Variants in TENM3 observed in about 807,000 individuals in gnomAD.
TENM3 encodes the protein teneurin transmembrane protein 3.
A neutral mutation model predicts 255.1 loss-of-function variants in TENM3; 63 were observed. The observed-to-expected ratio is 0.25, with a 90% CI of 0.20 to 0.30. The LOEUF is 0.30. TENM3 is among the 10% of genes least tolerant of loss of function. The pLI, the probability that TENM3 is intolerant of heterozygous loss-of-function variation, is 1.00. For missense variants in TENM3, 2,929 were observed against 3,461.1 expected (o/e 0.85, Z 3.86); for synonymous variants, 1,306 against 1,322.3 (o/e 0.99, Z 0.27).
chr4:181,837,195 C>T, the TENM3 span, among the ~76,000 whole-genome samples: 3 of 151,916 alleles, frequency 2.0e-5, no homozygotes, highest in Non-Finnish European at 4.4e-5. Context: ...TTTTCCTCCC[C>T]AATTTTTAAA....
intron 1 of TENM3, among the ~76,000 whole-genome samples, chr4:182,250,666 T>A (rs1433900483): frequency 6.6e-6 from 1 of 152,208 alleles, no homozygotes; most frequent in Non-Finnish European, 1.5e-5. Flanking sequence ...TTCCAGCTAG[T>A]AGAGAAAAAC....
At chr4:182,080,851 C>T in the TENM3 span, among the ~76,000 whole-genome samples, 46 of 152,060 alleles carry the variant, frequency 3.0e-4, no homozygotes, top group African/African-American at 1.0e-3. Context: ...ATTGGCTGGG[C>T]GTAGCGACAT....
chr4:182,218,891 T>A (rs1755678678), intron 1 of TENM3, among the ~76,000 whole-genome samples: 1 of 152,234 alleles, frequency 6.6e-6, no homozygotes, highest in African/African-American at 2.4e-5. Flanking sequence ...TTGTAATTCT[T>A]TATGTCCATA....
chr4:182,427,327 C>T (rs1010773818), intron 3 of TENM3, among the ~76,000 whole-genome samples: 2 of 152,100 alleles, frequency 1.3e-5, no homozygotes, highest in African/African-American at 4.8e-5. Context: ...AGAGGGAAAA[C>T]TTTACACGAC....
intron 1 of TENM3, among the ~76,000 whole-genome samples, chr4:182,150,647 ATTAT>A (rs1750276302): frequency 1.3e-5 from 2 of 152,232 alleles, no homozygotes; most frequent in Non-Finnish European, 1.5e-5. Context: ...CACGACTCTG[ATTAT>A]TTAAAAAGAC....
At chr4:182,103,045 A>G in the TENM3 span, among the ~76,000 whole-genome samples, 1 of 152,250 alleles carries the variant, frequency 6.6e-6, no homozygotes, top group African/African-American at 2.4e-5. Context: ...TCCATTCAAA[A>G]TAAAAAATTT....
At chr4:182,358,047 T>G (rs1221254476) in intron 3 of TENM3, among the ~76,000 whole-genome samples, 1 of 150,686 alleles carries the variant, frequency 6.6e-6, no homozygotes, top group East Asian at 1.9e-4. Context: ...GCGTTATTTC[T>G]GAGGGCTCTG....
At chr4:182,383,470 T>C (rs1394474952) in intron 3 of TENM3, among the ~76,000 whole-genome samples, 1 of 149,164 alleles carries the variant, frequency 6.7e-6, no homozygotes, top group Non-Finnish European at 1.5e-5. Flanking sequence ...AACATATTTT[T>C]ATTTATTTTT....
the TENM3 span, among the ~76,000 whole-genome samples, chr4:182,080,097 A>C: frequency 5.9e-4 from 90 of 152,350 alleles, no homozygotes; most frequent in Non-Finnish European, 1.1e-3. Flanking sequence ...GAGCTTGAAT[A>C]GTGAGCTCTT....
the TENM3 span, among the ~76,000 whole-genome samples, chr4:181,980,861 T>A: frequency 2.0e-5 from 3 of 152,150 alleles, no homozygotes; most frequent in Admixed American, 2.0e-4. Flanking sequence ...TCTTTTTTTT[T>A]ATGTTTAAAA....
the TENM3 span, among the ~76,000 whole-genome samples, chr4:181,968,776 T>C: frequency 1.3e-5 from 2 of 152,208 alleles, no homozygotes; most frequent in Non-Finnish European, 2.9e-5. Context: ...TTAACAATAG[T>C]GTATTGTATG....
chr4:182,440,136 G>A (rs1273912941), intron 3 of TENM3, among the ~76,000 whole-genome samples: 180 of 102,280 alleles, frequency 1.8e-3, no homozygotes, highest in African/African-American at 6.2e-3. Flanking sequence ...TTTTTTTGAC[G>A]GAGTCTCGCT....
chr4:181,891,375 C>A, the TENM3 span, among the ~76,000 whole-genome samples: 1 of 152,174 alleles, frequency 6.6e-6, no homozygotes, highest in African/African-American at 2.4e-5. Context: ...TATTTACAAC[C>A]CCTGTATACA....
rs1336242299 is a variant in TENM3 at position 182,789,267 on chromosome 4, G to A, written c.5479G>A (p.Gly1827Ser). 1 of 1,613,784 alleles carries A rather than the reference G, an allele frequency of 6.2e-7. No homozygotes were observed. The highest frequency in any genetic ancestry group is 1.7e-5 in the Admixed American group (1 of 60,010). ...CGTCAATGTCACCTATTCATCCACA[G>A]GTCAAATTGCCAGCATCCAGCGAGG... ...MAVNVTYSSTGQIASIQRGTT... is the reference protein window; with the variant it reads ...MAVNVTYSSTSQIASIQRGTT... Residue 1827 changes from glycine (G) to serine (S), a missense_variant, in exon 25 of 28, where the codon GGT (glycine) becomes AGT (serine). Coordinates refer to ENST00000511685, the MANE Select transcript of TENM3 (RefSeq NM_001080477.4). This position sits in a 1 kb window ranked among gnomAD's most constrained non-coding sequence, Gnocchi z 4.4.
the TENM3 span, among the ~76,000 whole-genome samples, chr4:181,473,618 T>TG: frequency 6.7e-6 from 1 of 149,560 alleles, no homozygotes; most frequent in African/African-American, 2.5e-5. Flanking sequence ...AAAAATGAAA[T>TG]GAAAAAAAAA....
intron 1 of TENM3, among the ~76,000 whole-genome samples, chr4:182,175,725 G>A (rs1752442587): frequency 6.6e-6 from 1 of 152,336 alleles, no homozygotes; most frequent in East Asian, 1.9e-4. Flanking sequence ...TGAGGGCAGT[G>A]TAGGAAGAAC....
At chr4:182,679,143 G>A (rs1373830094) in intron 7 of TENM3, among the ~76,000 whole-genome samples, 4 of 152,168 alleles carry the variant, frequency 2.6e-5, no homozygotes, top group Admixed American at 6.5e-5. Flanking sequence ...AACCACCATG[G>A]CACGTGTATA....
chr4:182,688,371 G>A lies in TENM3; in HGVS notation c.2221+20G>A. The A allele has an allele frequency of 6.5e-7, 1 of 1,529,688 alleles. No homozygotes were observed. The highest frequency in any genetic ancestry group is 8.8e-7 in the Non-Finnish European group (1 of 1,130,226). 94.8% of individuals were successfully genotyped at this position (1,529,688 alleles called of 1,614,324 possible). A position where few individuals can be genotyped will look rare whatever the true frequency, so the allele number is the denominator to read the frequency against. On this transcript the variant is annotated intron_variant, in intron 12 of 27. Transcript: ENST00000511685. ...CTATCGGTAGGCTTACTGCAAGTCT[G>A]TGTCTGTCCCCTTCCTCCCAGAGAA...
At chr4:181,710,875 A>G in the TENM3 span, among the ~76,000 whole-genome samples, 1 of 150,834 alleles carries the variant, frequency 6.6e-6, no homozygotes, top group African/African-American at 2.5e-5. Context: ...AAAGAAAAGA[A>G]AAAAGGAAAA....
Sources: allele counts gnomAD v4.1 joint callset (sites outside exome capture counted in the v4.1 genomes callset), GRCh38; gene constraint gnomAD v4.1.1; non-coding constraint Gnocchi (gnomAD v3.1); transcripts MANE v1.5; gene names NCBI Gene and HGNC (gene_info 2026-07-23, HGNC 2026-07-21).